Variants in SPTBN2 observed in about 807,000 individuals in gnomAD.
The protein encoded by SPTBN2 is spectrin beta chain, non-erythrocytic 2.
A neutral mutation model predicts 284.2 loss-of-function variants in SPTBN2; 107 were observed. The observed-to-expected ratio is 0.38, with a 90% CI of 0.32 to 0.44. The LOEUF (loss-of-function observed/expected upper bound fraction) is 0.44, where lower values mean the gene tolerates loss of function less well. SPTBN2 is among the 20% of genes least tolerant of loss of function. The probability of loss-of-function intolerance (pLI) is 1.00; values close to 1 mark genes in which losing one functional copy is unlikely to be tolerated. For missense variants in SPTBN2, 2,569 were observed against 3,287.1 expected (o/e 0.78, Z 5.34); for synonymous variants, 1,289 against 1,354.8 (o/e 0.95, Z 1.07).
At position 66,705,856 on chromosome 11, in the gene SPTBN2, G is replaced by A. The variant is rs987585207; in HGVS notation, c.1654-19C>T. On this transcript the variant is annotated intron_variant, in intron 13 of 37. Coordinates refer to ENST00000533211, the MANE Select transcript of SPTBN2 (RefSeq NM_006946.4). ...GCCGGCCCTGCCAGGCACACATGAA[G>A]TGCACATGCCCGCCTGAGCACAGAC... 3.7e-6 allele frequency: 6 copies of A among 1,611,552 alleles called. No homozygotes were observed. Among genetic ancestry groups the A allele is most frequent in the Middle Eastern group, 1.7e-4 (1 of 5,944 alleles).
rs572288249 is a variant in SPTBN2 at position 66,726,156 on chromosome 11, A to AT, written c.-114+2584dup. On this transcript the variant is annotated intron_variant, in intron 1 of 37. Transcript: ENST00000533211. Reference sequence around the variant, plus strand: ...ATATTGAATGACTTGACTATAATTCATTTTTTTTGGCCATGGAATTAATGT... The same window carrying AT: ...ATATTGAATGACTTGACTATAATTCATTTTTTTTTGGCCATGGAATTAATGT... 2.9e-3 allele frequency among the ~76,000 whole-genome samples: 437 copies of AT among 152,088 alleles called. 3 individuals carry two copies. Among genetic ancestry groups the AT allele is most frequent in the African/African-American group, 9.9e-3 (409 of 41,462 alleles).
chr11:66,737,116 A>G lies in SPTBN2; in HGVS notation c.-475+7426T>C, dbSNP rs374131599. Among the ~76,000 whole-genome samples the G allele has an allele frequency of 3.9e-5, 6 of 152,308 alleles. No homozygotes were observed. The East Asian group carries it at 5.8e-4, about 15-fold the overall frequency. ...GATAAGGGCCCAATAAGTGTTAGCTATTACTGTTATCATTATTTTACTTGT... is the reference window on the plus strand; with the variant it reads ...GATAAGGGCCCAATAAGTGTTAGCTGTTACTGTTATCATTATTTTACTTGT... On this transcript the variant is annotated intron_variant, in intron 1 of 37. Coordinates refer to the SPTBN2 transcript ENST00000611817.
chr11:66,720,080 T>C (rs1942323361), intron 3 of SPTBN2, among the ~76,000 whole-genome samples: 1 of 152,148 alleles, frequency 6.6e-6, no homozygotes, highest in South Asian at 2.1e-4. Flanking sequence ...TTCTAACTTA[T>C]TGTGTCTAGG....
rs534582732 is a variant in SPTBN2 at position 66,693,386 on chromosome 11, G to A, written c.4654C>T (p.Arg1552Cys). 1.4e-5 allele frequency: 23 copies of A among 1,602,296 alleles called. No individual in the cohort carries two copies. The highest frequency in any genetic ancestry group is 1.4e-4 in the South Asian group (13 of 91,084). The stretch of plus-strand genomic sequence containing the variant: ...CCTGCTGCTGCTGCACCTAGAGCAC[G>A]CTGCCGCTCCCTCAGGTCCGCGATC... ...PRIADLRERQ[R>C]ALGAAAAGPE... The change falls in exon 24 of 38, where the codon CGT (arginine) becomes TGT (cysteine). Residue 1552 changes from arginine to cysteine, a missense_variant. By Grantham distance (180) the Arg-to-Cys change is radical (BLOSUM62 -3). This residue lies in a region of SPTBN2 where 1,130 missense variants were observed against 1,317.3 expected (regional missense o/e 0.86). Transcript: ENST00000533211. This position sits in a 1 kb window ranked among gnomAD's most constrained non-coding sequence, Gnocchi z 5.7.
At chr11:66,716,069 A>C in intron 3 of SPTBN2, 88 bp from the exon 4 acceptor site, 1 of 1,579,228 alleles carries the variant, frequency 6.3e-7, no homozygotes, top group Admixed American at 1.7e-5. Context: ...GGGATGGAGA[A>C]GCCTGAGAGA....
chr11:66,719,682 T>C (rs966088476), intron 3 of SPTBN2, among the ~76,000 whole-genome samples: 7 of 152,106 alleles, frequency 4.6e-5, no homozygotes, highest in Non-Finnish European at 7.4e-5. Context: ...GGGAGGCATG[T>C]GTCCTATGTA....
At chr11:66,727,934 G>C (rs1465793159) in intron 1 of SPTBN2, 1 of 150,596 alleles carries the variant, frequency 6.6e-6, no homozygotes, top group Non-Finnish European at 1.5e-5. Flanking sequence ...GCTCCAGAGA[G>C]GCCCGAGTCC....
Position 66,686,397 on chromosome 11 carries a change from C to A in SPTBN2, c.6939+1G>T. 1 of 1,614,156 alleles carries A rather than the reference C, an allele frequency of 6.2e-7. No individual in the cohort carries two copies. Among genetic ancestry groups the A allele is most frequent in the Non-Finnish European group, 8.5e-7 (1 of 1,180,010 alleles). On this transcript the variant is annotated splice_donor_variant, in intron 37 of 37. Coordinates refer to ENST00000533211, the MANE Select transcript of SPTBN2 (RefSeq NM_006946.4). LOFTEE classifies it high-confidence loss of function. ...AGAGAGGAACACGAAGGACAGCTCA[C>A]CTCATCCTTGGCCTGGAATAAATAT...
At chr11:66,692,946 G>A (rs1420374763) in intron 25 of SPTBN2, 24 bp downstream of exon 25, 3 of 1,600,398 alleles carry the variant, frequency 1.9e-6, no homozygotes, top group African/African-American at 2.7e-5. Flanking sequence ...CCCCCAGGCT[G>A]GGCCGGGCTG....
Position 66,714,091 on chromosome 11 carries a change from C to T in SPTBN2, c.656G>A (p.Arg219Gln). The change falls in exon 7 of 38, where the codon CGG (arginine) becomes CAG (glutamine). Residue 219 changes from arginine (R) to glutamine (Q), a missense_variant and splice_region_variant. This residue lies in a region of SPTBN2 where 304 missense variants were observed against 522.1 expected (regional missense o/e 0.58). Coordinates refer to ENST00000533211, the MANE Select transcript of SPTBN2 (RefSeq NM_006946.4). Reference sequence around the variant, plus strand: ...GCGTTTGCTAACCCCATCTTCTCACCGGTGTTTATGCACGATGGCGTTGAA... The same window carrying T: ...GCGTTTGCTAACCCCATCTTCTCACTGGTGTTTATGCACGATGGCGTTGAA... ...LAFNAIVHKHRPDLLDFESLK... is the reference protein window; with the variant it reads ...LAFNAIVHKHQPDLLDFESLK... 3.7e-6 allele frequency: 6 copies of T among 1,614,220 alleles called. No individual in the cohort carries two copies. Among genetic ancestry groups the T allele is most frequent in the Non-Finnish European group, 4.2e-6 (5 of 1,180,028 alleles).
chr11:66,685,663 C>T lies in SPTBN2; in HGVS notation c.*208G>A. 3.4e-6 allele frequency: 2 copies of T among 593,126 alleles called. No homozygotes were observed. The highest frequency in any genetic ancestry group is 6.1e-6 in the Non-Finnish European group (2 of 330,302). 36.7% of individuals were successfully genotyped at this position (593,126 alleles called of 1,614,324 possible). A position where few individuals can be genotyped will look rare whatever the true frequency, so the allele number is the denominator to read the frequency against. On this transcript the variant is annotated 3_prime_UTR_variant, in exon 38 of 38. Transcript: ENST00000533211. This position sits in a 1 kb window ranked among gnomAD's most constrained non-coding sequence, Gnocchi z 4.4. ...GTGGGAGAGGGGGTTACCTGGGTCC[C>T]ACCACCAGTCTGGAATTAAACAGCA... is the stretch of plus-strand genomic sequence containing the variant.
In SPTBN2 at chr11:66,698,639, C is replaced by T. The variant is rs1462135598; in HGVS notation, c.4014G>A (p.Lys1338=). The T allele has an allele frequency of 4.3e-6, 7 of 1,614,180 alleles. No individual in the cohort carries two copies. The highest frequency in any genetic ancestry group is 5.9e-6 in the Non-Finnish European group (7 of 1,180,030). The change falls in exon 20 of 38, where the codon AAG becomes AAA. Residue 1338 remains lysine, a splice_region_variant and synonymous_variant. Transcript: ENST00000533211. The part of the protein sequence containing the change: ...ANKDWLDKVD[K]EGRELTLEKP... ...AGGCAGCCCCCACAGCACTGCTCAC[C>T]TTGTCCACCTTGTCCAGCCAGTCTT...
intron 1 of SPTBN2, among the ~76,000 whole-genome samples, chr11:66,738,743 T>C (rs1349096502): frequency 1.3e-5 from 2 of 152,266 alleles, no homozygotes; most frequent in Non-Finnish European, 2.9e-5. Flanking sequence ...CTCTATCTCC[T>C]GACCTCATTA....
chr11:66,713,314 T>A (rs1347915938), intron 8 of SPTBN2, among the ~76,000 whole-genome samples: 1 of 151,788 alleles, frequency 6.6e-6, no homozygotes, highest in Non-Finnish European at 1.5e-5. Flanking sequence ...AGATATATAT[T>A]TTTTTTGGGG....
chr11:66,709,866 G>A (rs1381184667), intron 10 of SPTBN2, among the ~76,000 whole-genome samples: 1 of 152,196 alleles, frequency 6.6e-6, no homozygotes, highest in Non-Finnish European at 1.5e-5. Flanking sequence ...ATACTGAAAT[G>A]ATAAGAACCT....
At chr11:66,735,421 G>A (rs1033455316) in intron 1 of SPTBN2, among the ~76,000 whole-genome samples, 5 of 151,950 alleles carry the variant, frequency 3.3e-5, no homozygotes, top group African/African-American at 4.8e-5. Flanking sequence ...AACTTGCAAC[G>A]ATTGACGGCT....
chr11:66,714,220 A>G (rs968298722), intron 6 of SPTBN2, 49 bp from the exon 7 acceptor site: 22 of 1,609,088 alleles, frequency 1.4e-5, no homozygotes, highest in Middle Eastern at 1.6e-4. Context: ...GCTCTGTTCT[A>G]TGACTCCAGG....
At chr11:66,742,906 G>A (rs1352085406) in intron 1 of SPTBN2, among the ~76,000 whole-genome samples, 7 of 152,304 alleles carry the variant, frequency 4.6e-5, no homozygotes, top group Non-Finnish European at 1.0e-4. Flanking sequence ...CACTGCGCCC[G>A]GCCACGATGG....
At chr11:66,696,115 G>A (rs1400683641) in intron 21 of SPTBN2, among the ~76,000 whole-genome samples, 162 bp downstream of exon 21, 3 of 152,132 alleles carry the variant, frequency 2.0e-5, no homozygotes, top group Non-Finnish European at 4.4e-5. Flanking sequence ...CCCTGACTGC[G>A]ACATATCCCT....
Sources: gnomAD v4.1 joint callset for allele counts (sites outside exome capture counted in the v4.1 genomes callset) on GRCh38, gnomAD v4.1.1 for gene constraint, gnomAD v4.1.1 regional missense constraint, Gnocchi (gnomAD v3.1) non-coding constraint, MANE v1.5 for transcripts, NCBI Gene and HGNC (gene_info 2026-07-23, HGNC 2026-07-21) for gene names.